Variants in ZC3H12D observed in about 807,000 individuals in gnomAD.
The protein encoded by ZC3H12D is probable ribonuclease ZC3H12D.
Under a neutral mutation model 24.2 loss-of-function variants are expected in ZC3H12D, and 11 were observed. That is an observed-to-expected ratio of 0.46 (90% CI 0.29 to 0.75). The LOEUF is 0.75. Ranked by LOEUF, ZC3H12D falls within the 30% of genes least tolerant of loss-of-function variation. ZC3H12D has a pLI of 0.11. For synonymous variants in ZC3H12D, 333 were observed against 341.8 expected, an observed-to-expected ratio of 0.97 and a Z score of 0.28; for missense variants, 740 against 767.7, an observed-to-expected ratio of 0.96 and a Z score of 0.43.
At chr6:149,481,479 G>A (rs143151342) in intron 1 of ZC3H12D, among the ~76,000 whole-genome samples, 13 of 151,338 alleles carry the variant, frequency 8.6e-5, no homozygotes, top group African/African-American at 2.4e-4. Flanking sequence ...ATTATCAACC[G>A]ATTCTCCTGC....
chr6:149,457,306 C>T (rs1775999997), intron 3 of ZC3H12D, among the ~76,000 whole-genome samples: 1 of 152,208 alleles, frequency 6.6e-6, no homozygotes, highest in African/African-American at 2.4e-5. Context: ...CTTGATGATG[C>T]CTTCAGCATG....
rs1775993281 is a variant in ZC3H12D at position 149,456,906 on chromosome 6, G to A, written c.446-6C>T. On this transcript the variant is annotated splice_region_variant and splice_polypyrimidine_tract_variant and intron_variant, in intron 3 of 5. Coordinates refer to ENST00000409806, the MANE Select transcript of ZC3H12D (RefSeq NM_207360.3). This position sits in a 1 kb window ranked among gnomAD's most constrained non-coding sequence, Gnocchi z 4.3. ...CTCCGCCAGCACGTGCTGCTCTGAG[G>A]GCGGGGCGACGGAGACGCGGGTGAG... 1.9e-6 allele frequency: 3 copies of A among 1,592,918 alleles called. No individual in the cohort carries two copies. The highest frequency in any genetic ancestry group is 2.6e-6 in the Non-Finnish European group (3 of 1,173,274).
At chr6:149,458,289 C>T (rs1230972654) in intron 3 of ZC3H12D, among the ~76,000 whole-genome samples, 2 of 151,368 alleles carry the variant, frequency 1.3e-5, no homozygotes, top group Non-Finnish European at 2.9e-5. Context: ...GCATGCACCA[C>T]CACGCTCAGC....
intron 2 of ZC3H12D, among the ~76,000 whole-genome samples, chr6:149,472,903 C>T (rs1776268364): frequency 6.6e-6 from 1 of 152,174 alleles, no homozygotes; most frequent in South Asian, 2.1e-4. Context: ...ACAACCCCTT[C>T]TAGTCTTTCT....
intron 1 of ZC3H12D, among the ~76,000 whole-genome samples, chr6:149,477,209 GT>G (rs1383254147): frequency 2.0e-5 from 3 of 152,218 alleles, no homozygotes; most frequent in Non-Finnish European, 4.4e-5. Context: ...CTGCAGGCCT[GT>G]CCCAGGAGTT....
chr6:149,482,386 C>T (rs989802075), intron 1 of ZC3H12D, among the ~76,000 whole-genome samples: 14 of 152,202 alleles, frequency 9.2e-5, no homozygotes, highest in Non-Finnish European at 2.1e-4. Context: ...AAAATCTGAA[C>T]GACTTCATTT....
At chr6:149,475,672 G>A (rs369957377) in intron 1 of ZC3H12D, among the ~76,000 whole-genome samples, 14 of 150,054 alleles carry the variant, frequency 9.3e-5, no homozygotes, top group Admixed American at 2.7e-4. Context: ...CAGACATTGC[G>A]CCATTGCACT....
At chr6:149,473,290 G>A (rs1776275007) in intron 2 of ZC3H12D, among the ~76,000 whole-genome samples, 1 of 152,200 alleles carries the variant, frequency 6.6e-6, no homozygotes. Flanking sequence ...AGGCTCTGTT[G>A]ACACATTCGG....
chr6:149,458,998 T>A (rs1322995353), intron 3 of ZC3H12D, among the ~76,000 whole-genome samples: 1 of 152,242 alleles, frequency 6.6e-6, no homozygotes. Flanking sequence ...TAGGCAGTAA[T>A]CCTTCATCAG....
At chr6:149,477,310 G>A (rs1449927195) in intron 1 of ZC3H12D, among the ~76,000 whole-genome samples, 5 of 152,192 alleles carry the variant, frequency 3.3e-5, no homozygotes, top group Admixed American at 6.5e-5. Flanking sequence ...CCTCTGCCAC[G>A]GCGTCCACCT....
At chr6:149,473,407 G>A (rs1776277369) in intron 2 of ZC3H12D, among the ~76,000 whole-genome samples, 1 of 152,202 alleles carries the variant, frequency 6.6e-6, no homozygotes, top group African/African-American at 2.4e-5. Context: ...ATTTCCTATG[G>A]CTCTGCCCTT....
Position 149,447,652 on chromosome 6 carries a change from G to T in ZC3H12D, c.*3031C>A, listed in dbSNP as rs1382069059. 1 of 152,182 alleles carries T rather than the reference G, an allele frequency of 6.6e-6. No individual in the cohort carries two copies. Among genetic ancestry groups the T allele is most frequent in the East Asian group, 1.9e-4 (1 of 5,198 alleles). 9.4% of individuals were successfully genotyped at this position (152,182 alleles called of 1,614,324 possible). ...GTGTGGTAAAAAATGATTTATTTTT[G>T]AAGCATGGTTAACAGCTATGCAACT... On this transcript the variant is annotated 3_prime_UTR_variant, in exon 6 of 6. Transcript: ENST00000409806.
Position 149,456,595 on chromosome 6 carries a change from G to C in ZC3H12D, c.680+71C>G. The C allele has an allele frequency of 7.5e-7, 1 of 1,331,638 alleles. No homozygotes were observed. Among genetic ancestry groups the C allele is most frequent in the South Asian group, 1.3e-5 (1 of 77,404 alleles). The allele number at this position is 1,331,638 out of a possible 1,614,324, so 82.5% of individuals were successfully genotyped here. A position where few individuals can be genotyped will look rare whatever the true frequency, so the allele number is the denominator to read the frequency against. On this transcript the variant is annotated intron_variant, in intron 4 of 5. Coordinates refer to ENST00000409806, the MANE Select transcript of ZC3H12D (RefSeq NM_207360.3). The surrounding 1 kb of genome is among the most constrained non-coding windows in gnomAD (Gnocchi z 4.3). ...CAAGCTCCTCCACCTGGTAGCAGGC[G>C]TGGCCACTGCCTCGACCCCGGCCCC... is the stretch of plus-strand genomic sequence containing the variant.
chr6:149,450,986 A>C lies in ZC3H12D; in HGVS notation c.1281T>G (p.Leu427=). The C allele has an allele frequency of 6.6e-7, 1 of 1,520,018 alleles. No individual in the cohort carries two copies. The allele number at this position is 1,520,018 out of a possible 1,614,324, so 94.2% of individuals were successfully genotyped here. The change falls in exon 6 of 6, where the codon CTT becomes CTG. Residue 427 remains leucine, a synonymous_variant. Transcript: ENST00000409806. ...HRPRDLHGDL[L]SPRRPPDDPW... is the part of the protein sequence containing the mutation. The stretch of plus-strand genomic sequence containing the variant: ...GGTCGTCGGGTGGCCTGCGCGGGGA[A>C]AGCAAGTCGCCGTGCAGGTCCCTAG...
chr6:149,465,665 G>A (rs184248760), intron 2 of ZC3H12D, among the ~76,000 whole-genome samples: 1 of 150,820 alleles, frequency 6.6e-6, no homozygotes, highest in East Asian at 2.0e-4. Context: ...TGAGGCAGGA[G>A]AATCACTTGA....
At position 149,451,152 on chromosome 6, in the gene ZC3H12D, C is replaced by T. The variant is rs1775887510; in HGVS notation, c.1115G>A (p.Arg372Gln). 7.5e-7 allele frequency: 1 copy of T among 1,334,022 alleles called. No individual in the cohort carries two copies. The highest frequency in any genetic ancestry group is 9.5e-7 in the Non-Finnish European group (1 of 1,048,258). 82.6% of individuals were successfully genotyped at this position (1,334,022 alleles called of 1,614,324 possible). The change falls in exon 6 of 6, where the codon CGA (arginine) becomes CAA (glutamine). Residue 372 changes from arginine (R) to glutamine (Q), a missense_variant. Physicochemically the swap from Arg to Gln is conservative, Grantham distance 43 (BLOSUM62 1). Coordinates refer to ENST00000409806, the MANE Select transcript of ZC3H12D (RefSeq NM_207360.3). ...LPVPACSLTPRLGGPDWVSAG... is the reference protein window; with the variant it reads ...LPVPACSLTPQLGGPDWVSAG... The stretch of plus-strand genomic sequence containing the variant: ...GGACACCCAGTCGGGCCCGCCCAGT[C>T]GGGGCGTGAGGCTGCAGGCGGGGAC...
chr6:149,471,873 G>A (rs967149150), intron 2 of ZC3H12D, among the ~76,000 whole-genome samples: 10 of 152,198 alleles, frequency 6.6e-5, no homozygotes, highest in Admixed American at 1.3e-4. Flanking sequence ...CAGTCTTTAA[G>A]CCCCTCCCCA....
chr6:149,475,783 C>CG (rs11462350), intron 1 of ZC3H12D, among the ~76,000 whole-genome samples: 60,011 of 150,794 alleles, frequency 0.4, 12,675 homozygotes, highest in African/African-American at 0.5. Flanking sequence ...TGACCTACAC[C>CG]GGGGGTTGGG....
intron 2 of ZC3H12D, among the ~76,000 whole-genome samples, chr6:149,465,766 AGGG>A (rs55719616): frequency 1.4e-5 from 2 of 143,718 alleles, no homozygotes; most frequent in African/African-American, 5.3e-5. Context: ...AAAAAAAAAA[AGGG>A]GGGGGGAAGA....
Sources: allele counts gnomAD v4.1 joint callset (sites outside exome capture counted in the v4.1 genomes callset), GRCh38; gene constraint gnomAD v4.1.1; non-coding constraint Gnocchi (gnomAD v3.1); transcripts MANE v1.5; gene names NCBI Gene and HGNC (gene_info 2026-07-23, HGNC 2026-07-21).